Variants in EXOC4 observed in about 807,000 individuals in gnomAD.
EXOC4 encodes the protein SEC8-like 1.
A neutral mutation model predicts 107.2 loss-of-function variants in EXOC4; 71 were observed. The ratio of observed to expected loss-of-function variants is 0.66; its 90% CI spans 0.55 to 0.81. The LOEUF (loss-of-function observed/expected upper bound fraction) is 0.81. Among genes scored for constraint, EXOC4 ranks in the 30% least tolerant of loss-of-function variants. The pLI is 0.00. For synonymous variants in EXOC4, 456 were observed against 441.2 expected (o/e 1.03, Z -0.42); for missense variants, 1,108 against 1,189.6 (o/e 0.93, Z 1.01).
intron 9 of EXOC4, among the ~76,000 whole-genome samples, chr7:133,581,799 A>G (rs1801282108): frequency 6.6e-6 from 1 of 151,238 alleles, no homozygotes; most frequent in Admixed American, 6.6e-5. Context: ...GAGACTGGGT[A>G]ATTTATAAAG....
chr7:133,513,947 G>A (rs1420767702), intron 9 of EXOC4, among the ~76,000 whole-genome samples: 2 of 152,128 alleles, frequency 1.3e-5, no homozygotes, highest in Non-Finnish European at 2.9e-5. Flanking sequence ...ATTGGGTAGT[G>A]TTTTCCTAGC....
intron 14 of EXOC4, among the ~76,000 whole-genome samples, chr7:133,958,456 A>G (rs1482197942): frequency 6.6e-6 from 1 of 152,182 alleles, no homozygotes; most frequent in African/African-American, 2.4e-5. Flanking sequence ...TTAAAGCAAT[A>G]TATTTAATTA....
At chr7:133,895,767 A>G (rs1206736782) in intron 12 of EXOC4, 32 bp downstream of exon 12, 2 of 1,599,890 alleles carry the variant, frequency 1.3e-6, no homozygotes, top group Non-Finnish European at 1.7e-6. Flanking sequence ...AAGCAAAGTA[A>G]CGTTTGAGCC....
chr7:134,069,539 C>A (rs568812732), downstream of EXOC4, among the ~76,000 whole-genome samples: 8 of 152,122 alleles, frequency 5.3e-5, no homozygotes, highest in East Asian at 1.4e-3. Flanking sequence ...ACTCTGTTGC[C>A]CCGGCTGGAG....
At chr7:133,674,484 T>C (rs1794013670) in intron 10 of EXOC4, among the ~76,000 whole-genome samples, 1 of 152,192 alleles carries the variant, frequency 6.6e-6, no homozygotes, top group African/African-American at 2.4e-5. Flanking sequence ...AAATGATAGA[T>C]TACCAAATGA....
In EXOC4 at chr7:133,754,245, A is replaced by G. The variant is rs538826520; in HGVS notation, c.1515-63080A>G. Among the ~76,000 whole-genome samples the G allele has an allele frequency of 2.5e-3, 383 of 152,294 alleles. 4 individuals carry two copies. Among genetic ancestry groups the G allele is most frequent in the African/African-American group, 8.7e-3 (363 of 41,562 alleles). ...CCAATTCTGCCCTGGGCAGCTGGCG[A>G]TGGCAGTGCCTTTCTCTGAGCTAGA... On this transcript the variant is annotated intron_variant, in intron 10 of 17. Transcript: ENST00000253861.
chr7:133,947,945 G>C (rs1302861448), intron 14 of EXOC4, among the ~76,000 whole-genome samples: 1 of 152,168 alleles, frequency 6.6e-6, no homozygotes, highest in Admixed American at 6.5e-5. Flanking sequence ...AGGAGAGACA[G>C]AAGGAGTTAG....
At chr7:133,750,014 T>C (rs913748057) in intron 10 of EXOC4, among the ~76,000 whole-genome samples, 1 of 140,056 alleles carries the variant, frequency 7.1e-6, no homozygotes, top group East Asian at 2.4e-4. Context: ...CCATGAACTC[T>C]AAGCAGATAA....
chr7:133,438,868 A>G (rs1466331423), intron 7 of EXOC4, among the ~76,000 whole-genome samples: 1 of 152,226 alleles, frequency 6.6e-6, no homozygotes, highest in East Asian at 1.9e-4. Flanking sequence ...CCTTATCTCA[A>G]AAACTTGATT....
Position 134,037,267 on chromosome 7 carries a change from G to A in EXOC4, c.2688-27024G>A, listed in dbSNP as rs147386693. Among the ~76,000 whole-genome samples, 11 of 152,230 alleles carry A rather than the reference G, an allele frequency of 7.2e-5. No individual in the cohort carries two copies. In the South Asian group the frequency reaches 1.0e-3, roughly 14 times the overall value. On this transcript the variant is annotated intron_variant, in intron 17 of 17. Transcript: ENST00000253861. ...AGCTGCTCCCACGTTGCCCAGATCCGGATCCTACAGAGCTCCATTGAAGGG... is the reference window on the plus strand; with the variant it reads ...AGCTGCTCCCACGTTGCCCAGATCCAGATCCTACAGAGCTCCATTGAAGGG...
At chr7:133,608,853 G>A (rs375412518) in intron 9 of EXOC4, among the ~76,000 whole-genome samples, 25 of 151,888 alleles carry the variant, frequency 1.6e-4, no homozygotes, top group East Asian at 1.2e-3. Flanking sequence ...AACCTTAACC[G>A]GTGTATTTCT....
chr7:134,069,829 A>C (rs556551036), downstream of EXOC4, among the ~76,000 whole-genome samples: 1 of 152,250 alleles, frequency 6.6e-6, no homozygotes, highest in African/African-American at 2.4e-5. Flanking sequence ...TTATGAATGG[A>C]CTGAGGCCAT....
At position 133,322,331 on chromosome 7, in the gene EXOC4, T is replaced by C. The variant is rs910094190; in HGVS notation, c.763+4941T>C. Reference sequence around the variant, plus strand: ...GAATGGTATTGCCCAGGTTTTCTTCTAGGGTTTTTATGGTTTTAGGTCTTA... The same window carrying C: ...GAATGGTATTGCCCAGGTTTTCTTCCAGGGTTTTTATGGTTTTAGGTCTTA... On this transcript the variant is annotated intron_variant, in intron 5 of 17. Coordinates refer to ENST00000253861, the MANE Select transcript of EXOC4 (RefSeq NM_021807.4). Among the ~76,000 whole-genome samples the C allele has an allele frequency of 2.6e-5, 4 of 152,240 alleles. No homozygotes were observed. In the East Asian group the frequency reaches 7.7e-4, roughly 29 times the overall value.
At chr7:133,364,517 C>G (rs1343618344) in intron 6 of EXOC4, among the ~76,000 whole-genome samples, 1 of 152,082 alleles carries the variant, frequency 6.6e-6, no homozygotes, top group Non-Finnish European at 1.5e-5. Flanking sequence ...ATTTTCAGCA[C>G]TACTCACAGT....
intron 10 of EXOC4, among the ~76,000 whole-genome samples, chr7:133,696,096 G>A (rs867312222): frequency 2.2e-4 from 34 of 152,340 alleles, no homozygotes; most frequent in African/African-American, 7.5e-4. Context: ...CTGGCAAAGC[G>A]GACTTCCTGT....
At chr7:133,900,597 T>C in intron 12 of EXOC4, among the ~76,000 whole-genome samples, 1 of 152,020 alleles carries the variant, frequency 6.6e-6, no homozygotes, top group Non-Finnish European at 1.5e-5. Flanking sequence ...AGGGAAATTT[T>C]TCTGAGTTTT....
At chr7:134,018,081 G>C (rs1233021134) in intron 17 of EXOC4, among the ~76,000 whole-genome samples, 1 of 152,188 alleles carries the variant, frequency 6.6e-6, no homozygotes, top group Non-Finnish European at 1.5e-5. Context: ...ATATTCTGCA[G>C]TACCTTTGTA....
intron 11 of EXOC4, among the ~76,000 whole-genome samples, chr7:133,844,895 A>C (rs17167306): frequency 0.17 from 25,356 of 152,028 alleles, 2,633 homozygotes; most frequent in African/African-American, 0.28. Flanking sequence ...GACCTAAAAA[A>C]ACCCATGTCC....
At chr7:133,540,383 A>T (rs1800355522) in intron 9 of EXOC4, among the ~76,000 whole-genome samples, 1 of 152,190 alleles carries the variant, frequency 6.6e-6, no homozygotes, top group Non-Finnish European at 1.5e-5. Flanking sequence ...ACTGTACTAG[A>T]TGCCTAGGAA....
Sources: allele counts gnomAD v4.1 joint callset (sites outside exome capture counted in the v4.1 genomes callset), GRCh38; gene constraint gnomAD v4.1.1; transcripts MANE v1.5; gene names NCBI Gene and HGNC (gene_info 2026-07-23, HGNC 2026-07-21).